The following CALN1 variants were observed in gnomAD, a reference collection of about 807,000 sequenced individuals.
CALN1 encodes the protein calneuron 1.
A neutral mutation model predicts 30.6 loss-of-function variants in CALN1; 17 were observed. The ratio of observed to expected loss-of-function variants is 0.56; its 90% CI spans 0.38 to 0.83. CALN1 has a LOEUF of 0.83. CALN1 is among the 40% of genes least tolerant of loss of function. The pLI is 0.00. For missense variants in CALN1, 291 were observed against 354.9 expected, an observed-to-expected ratio of 0.82 and a Z score of 1.45; for synonymous variants, 156 against 131.4, an observed-to-expected ratio of 1.19 and a Z score of -1.28.
intron 3 of CALN1, among the ~76,000 whole-genome samples, chr7:72,134,729 G>C (rs757257827): frequency 3.3e-5 from 5 of 152,206 alleles, no homozygotes; most frequent in African/African-American, 9.7e-5. Context: ...TGAGGTGCCT[G>C]TGGCAATTTC....
At chr7:72,336,373 G>A (rs1287908599) in intron 2 of CALN1, among the ~76,000 whole-genome samples, 1 of 152,136 alleles carries the variant, frequency 6.6e-6, no homozygotes, top group Non-Finnish European at 1.5e-5. Flanking sequence ...CTGGGGGCTA[G>A]AAGAGCGGCT....
chr7:71,991,489 G>A (rs185597729), intron 5 of CALN1, among the ~76,000 whole-genome samples: 29 of 151,422 alleles, frequency 1.9e-4, no homozygotes, highest in Admixed American at 7.2e-4. Flanking sequence ...GCAGAAAACT[G>A]CACTGGATGG....
intron 3 of CALN1, among the ~76,000 whole-genome samples, chr7:72,237,803 T>C (rs1376857176): frequency 6.6e-6 from 1 of 152,096 alleles, no homozygotes; most frequent in East Asian, 1.9e-4. Context: ...CAAGAGGAAA[T>C]CTATAAGGTG....
intron 5 of CALN1, among the ~76,000 whole-genome samples, chr7:71,914,028 C>T (rs1470361048): frequency 6.6e-6 from 1 of 152,202 alleles, no homozygotes; most frequent in Non-Finnish European, 1.5e-5. Flanking sequence ...AATTCTTTCA[C>T]ACCATTTCTC....
chr7:72,358,203 G>A lies in CALN1; in HGVS notation c.119+45048C>T, dbSNP rs116773190. On this transcript the variant is annotated intron_variant, in intron 2 of 6. Transcript: ENST00000395275. ...AGACAGTGTCTCACTATGTTGCCCA[G>A]GCACTGGTCTCAAATGCCTGGCCTC... 8.0e-3 allele frequency among the ~76,000 whole-genome samples: 1,212 copies of A among 151,884 alleles called. 40 individuals are homozygous for A. Among genetic ancestry groups the A allele is most frequent in the African/African-American group, 0.028 (1,157 of 41,234 alleles).
the CALN1 span, among the ~76,000 whole-genome samples, chr7:72,487,816 G>A: frequency 1.6e-5 from 2 of 126,170 alleles, no homozygotes; most frequent in Non-Finnish European, 3.3e-5. Flanking sequence ...AAGAGAGAGA[G>A]AAAGAGAAAA....
At chr7:71,988,839 T>G (rs1037125667) in intron 5 of CALN1, among the ~76,000 whole-genome samples, 2 of 152,054 alleles carry the variant, frequency 1.3e-5, no homozygotes, top group African/African-American at 4.8e-5. Context: ...GTCCAGCATC[T>G]CAGATGTGGT....
intron 5 of CALN1, among the ~76,000 whole-genome samples, chr7:71,929,666 T>G (rs1049093235): frequency 2.6e-5 from 4 of 152,254 alleles, no homozygotes; most frequent in African/African-American, 9.6e-5. Context: ...TTGGGTTATG[T>G]CCACTTTTTG....
chr7:72,402,708 G>A (rs759395459), intron 2 of CALN1, among the ~76,000 whole-genome samples: 7 of 152,114 alleles, frequency 4.6e-5, no homozygotes, highest in African/African-American at 1.2e-4. Context: ...CGAACTGACC[G>A]CATCAATGAC....
intron 1 of CALN1, among the ~76,000 whole-genome samples, chr7:72,446,598 A>C (rs1808533972): frequency 6.6e-6 from 1 of 152,188 alleles, no homozygotes; most frequent in Non-Finnish European, 1.5e-5. Context: ...GAGTTTTCCA[A>C]TAACGTAGGA....
the CALN1 span, among the ~76,000 whole-genome samples, chr7:72,483,243 T>TGTTTG: frequency 7.1e-6 from 1 of 141,644 alleles, no homozygotes; most frequent in African/African-American, 3.0e-5. Flanking sequence ...TTTGTTTGTT[T>TGTTTG]GTTTGGTTTG....
Position 72,058,644 on chromosome 7 carries a change from C to T in CALN1, c.389-34875G>A, listed in dbSNP as rs571966161. ...AACAAGCTGGAATCTTTAGAGAACA[C>T]CCAAGAGTGTCTGTCCACACCCTGG... On this transcript the variant is annotated intron_variant, in intron 4 of 6. Transcript: ENST00000395275. Among the ~76,000 whole-genome samples, 3 of 152,154 alleles carry T rather than the reference C, an allele frequency of 2.0e-5. No homozygotes were observed. The East Asian group carries it at 5.8e-4, about 29-fold the overall frequency.
chr7:72,499,916 T>A, the CALN1 span, among the ~76,000 whole-genome samples: 1 of 55,516 alleles, frequency 1.8e-5, no homozygotes, highest in Non-Finnish European at 3.6e-5. Context: ...TTTCTTTCTA[T>A]CTTTCTCTTT....
At chr7:71,992,500 G>A (rs775857892) in intron 5 of CALN1, among the ~76,000 whole-genome samples, 9 of 152,110 alleles carry the variant, frequency 5.9e-5, no homozygotes, top group Non-Finnish European at 1.0e-4. Context: ...GGGACTACAG[G>A]TGCACATCAC....
chr7:72,396,258 G>GAAAGAAAGAAAGAA lies in CALN1; in HGVS notation c.119+6992_119+6993insTTCTTTCTTTCTTT, dbSNP rs148921743. Among the ~76,000 whole-genome samples the GAAAGAAAGAAAGAA allele has an allele frequency of 9.4e-3, 1,027 of 109,384 alleles. 9 individuals carry two copies. The highest frequency in any genetic ancestry group is 0.028 in the African/African-American group (748 of 26,740). The allele number at this position is 109,384 out of a possible 152,430, so 71.8% of individuals were successfully genotyped here. A position where few individuals can be genotyped will look rare whatever the true frequency, so the allele number is the denominator to read the frequency against. On this transcript the variant is annotated intron_variant, in intron 2 of 6. Transcript: ENST00000395275. Reference sequence around the variant, plus strand: ...ACTAAAAAAAAAAAAAAAAAAAAAAGAAAGAAAAAGAAAAATTAGCTGGGT... The same window carrying GAAAGAAAGAAAGAA: ...ACTAAAAAAAAAAAAAAAAAAAAAAGAAAGAAAGAAAGAAAAAGAAAAAGAAAAATTAGCTGGGT...
chr7:72,101,858 G>C (rs35897134), intron 4 of CALN1, among the ~76,000 whole-genome samples: 34,541 of 152,014 alleles, frequency 0.23, 4,868 homozygotes, highest in East Asian at 0.69. Context: ...CGTGCCCGAT[G>C]CCTAGAATTA....
intron 1 of CALN1, among the ~76,000 whole-genome samples, chr7:72,431,789 C>A (rs771499191): frequency 3.3e-5 from 5 of 150,658 alleles, no homozygotes; most frequent in Non-Finnish European, 5.9e-5. Flanking sequence ...CTGCAGGGAG[C>A]CATAATCATG....
At chr7:72,112,253 T>C (rs766837672) in intron 3 of CALN1, among the ~76,000 whole-genome samples, 60 of 152,198 alleles carry the variant, frequency 3.9e-4, no homozygotes, top group Non-Finnish European at 7.2e-4. Flanking sequence ...TTGGCTGATG[T>C]TCTAGCTTTG....
At chr7:72,461,756 C>T in the CALN1 span, among the ~76,000 whole-genome samples, 1 of 152,124 alleles carries the variant, frequency 6.6e-6, no homozygotes, top group Non-Finnish European at 1.5e-5. Context: ...GCCTGTAATC[C>T]CAGCATTTTG....
Sources: allele counts gnomAD v4.1 joint callset (sites outside exome capture counted in the v4.1 genomes callset), GRCh38; gene constraint gnomAD v4.1.1; transcripts MANE v1.5; gene names NCBI Gene and HGNC (gene_info 2026-07-23, HGNC 2026-07-21).